TBC1D14: variants seen among roughly 807,000 people sequenced by gnomAD.
TBC1D14 encodes the protein TBC1 domain family member 14.
Under a neutral mutation model 79.0 loss-of-function variants are expected in TBC1D14, and 26 were observed. That is an observed-to-expected ratio of 0.33 (90% CI 0.24 to 0.46). The LOEUF (loss-of-function observed/expected upper bound fraction) is 0.46, where lower values mean the gene tolerates loss of function less well. Ranked by LOEUF, TBC1D14 falls within the 20% of genes least tolerant of loss-of-function variation. The pLI, the probability that TBC1D14 is intolerant of heterozygous loss-of-function variation, is 1.00. For missense variants in TBC1D14, 769 were observed against 887.6 expected (o/e 0.87, Z 1.70); for synonymous variants, 394 against 349.9 (o/e 1.13, Z -1.40).
intron 2 of TBC1D14, among the ~76,000 whole-genome samples, chr4:6,930,303 T>C (rs530542261): frequency 6.6e-6 from 1 of 152,188 alleles, no homozygotes; most frequent in Admixed American, 6.5e-5. Flanking sequence ...CATTTGAAAG[T>C]GTGGGAGTGA....
intron 3 of TBC1D14, among the ~76,000 whole-genome samples, chr4:6,980,866 C>T (rs2109096732): frequency 6.6e-6 from 1 of 151,944 alleles, no homozygotes; most frequent in Admixed American, 6.6e-5. Flanking sequence ...CAGGCGCCCG[C>T]CACCACGCCC....
intron 1 of TBC1D14, among the ~76,000 whole-genome samples, chr4:6,915,931 A>G (rs1284595839): frequency 1.3e-5 from 2 of 151,502 alleles, no homozygotes; most frequent in Non-Finnish European, 2.9e-5. Flanking sequence ...TCTGGCCAAC[A>G]TGGTGAAATC....
At chr4:7,016,565 G>C (rs1271195004) in intron 12 of TBC1D14, among the ~76,000 whole-genome samples, 2 of 152,210 alleles carry the variant, frequency 1.3e-5, no homozygotes, top group African/African-American at 4.8e-5. Context: ...AAAGTCAATA[G>C]TGTCTTTCAA....
chr4:7,005,527 T>A (rs1720099499), intron 8 of TBC1D14, among the ~76,000 whole-genome samples: 2 of 151,822 alleles, frequency 1.3e-5, no homozygotes, highest in South Asian at 4.1e-4. Context: ...AGAGTGAGAC[T>A]CTGTCTCAAG....
At position 6,923,414 on chromosome 4, in the gene TBC1D14, T is replaced by A. The variant is rs766415063; in HGVS notation, c.25T>A (p.Ser9Thr). 1 of 1,609,850 alleles carries A rather than the reference T, an allele frequency of 6.2e-7. No individual in the cohort carries two copies. Among genetic ancestry groups the A allele is most frequent in the South Asian group, 1.1e-5 (1 of 90,868 alleles). The stretch of plus-strand genomic sequence containing the variant: ...GATGACTGATGGAAAACTCTCCACC[T>A]CTACAAATGGCGTAGCCTTCATGGG... MTDGKLST[S>T]TNGVAFMGIL... Residue 9 changes from serine (S) to threonine (T), a missense_variant, in exon 2 of 14, where the codon TCT becomes ACT. Physicochemically the swap from Ser to Thr is moderately conservative, Grantham distance 58. Coordinates refer to ENST00000409757, the MANE Select transcript of TBC1D14 (RefSeq NM_020773.3).
intron 13 of TBC1D14, among the ~76,000 whole-genome samples, chr4:7,027,748 C>T (rs1212238705): frequency 2.8e-5 from 4 of 141,122 alleles, no homozygotes; most frequent in Non-Finnish European, 6.2e-5. Context: ...CACACACCCA[C>T]ATACACAATC....
At chr4:6,977,915 C>T (rs1174875425) in intron 3 of TBC1D14, among the ~76,000 whole-genome samples, 12 of 150,820 alleles carry the variant, frequency 8.0e-5, no homozygotes, top group African/African-American at 2.7e-4. Flanking sequence ...ATGTGAGGAG[C>T]GTCTCTGCCC....
At chr4:6,963,128 G>A (rs557387234) in intron 2 of TBC1D14, among the ~76,000 whole-genome samples, 2 of 152,394 alleles carry the variant, frequency 1.3e-5, no homozygotes, top group African/African-American at 2.4e-5. Context: ...CCCGGCAGCT[G>A]GTCCGGGAGG....
rs561219692 is a variant in TBC1D14, at chr4:7,020,126, C to T, written c.1758-4878C>T. On this transcript the variant is annotated intron_variant, in intron 12 of 13. Coordinates refer to ENST00000409757, the MANE Select transcript of TBC1D14 (RefSeq NM_020773.3). ...GGGCACAGAGGTTGGTATGTGAACT[C>T]CTCTGGCCTTAGGTTGGGGAGGACT... Among the ~76,000 whole-genome samples, 10 of 149,960 alleles carry T rather than the reference C, an allele frequency of 6.7e-5. No individual in the cohort carries two copies. The East Asian group carries it at 2.0e-3, about 30-fold the overall frequency.
chr4:6,971,598 CAG>C lies in TBC1D14; in HGVS notation c.843+4175_843+4176del, dbSNP rs552133509. On this transcript the variant is annotated intron_variant, in intron 3 of 13. Transcript: ENST00000409757. Reference sequence around the variant, plus strand: ...GGTAGTTTGAGAGCGATTTTCTTAACAGGGGAAACAAAAATGACCACGGGTAG... The same window carrying C: ...GGTAGTTTGAGAGCGATTTTCTTAACGGGAAACAAAAATGACCACGGGTAG... Among the ~76,000 whole-genome samples, 490 of 152,296 alleles carry C rather than the reference CAG, an allele frequency of 3.2e-3. 1 individual carries two copies. Among genetic ancestry groups the C allele is most frequent in the Non-Finnish European group, 4.3e-3 (294 of 68,026 alleles).
At chr4:6,956,023 T>G (rs927355028) in intron 2 of TBC1D14, among the ~76,000 whole-genome samples, 27 of 152,316 alleles carry the variant, frequency 1.8e-4, no homozygotes, top group African/African-American at 6.5e-4. Flanking sequence ...TCTGAGTGTT[T>G]TACTCAGTGC....
chr4:6,923,985 A>C lies in TBC1D14; in HGVS notation c.596A>C (p.Gln199Pro). 1 of 1,614,166 alleles carries C rather than the reference A, an allele frequency of 6.2e-7. No homozygotes were observed. Among genetic ancestry groups the C allele is most frequent in the South Asian group, 1.1e-5 (1 of 91,080 alleles). The change falls in exon 2 of 14, where the codon CAG becomes CCG. Residue 199 changes from glutamine (Q) to proline (P), a missense_variant. Physicochemically the swap from Gln to Pro is moderately conservative, Grantham distance 76. Coordinates refer to ENST00000409757, the MANE Select transcript of TBC1D14 (RefSeq NM_020773.3). The stretch of plus-strand genomic sequence containing the variant: ...ACCCTGGAGAATGACGATGACCCAC[A>C]GTTTACCAACGTCACCTTGAGCTCT... Reference protein sequence around the residue: ...IVTLENDDDPQFTNVTLSSIK... With the variant: ...IVTLENDDDPPFTNVTLSSIK...
chr4:6,995,996 C>G (rs546450806), intron 4 of TBC1D14, among the ~76,000 whole-genome samples: 131 of 151,706 alleles, frequency 8.6e-4, no homozygotes, highest in African/African-American at 3.0e-3. Flanking sequence ...GCCACCATGC[C>G]CGGCTAATTT....
At chr4:6,934,266 A>G (rs1456138654) in intron 2 of TBC1D14, among the ~76,000 whole-genome samples, 2 of 151,740 alleles carry the variant, frequency 1.3e-5, no homozygotes. Context: ...GAAGCAGCAA[A>G]AGCGAGAAGG....
intron 3 of TBC1D14, among the ~76,000 whole-genome samples, chr4:6,980,828 G>C (rs1468300017): frequency 3.3e-5 from 5 of 150,944 alleles, no homozygotes; most frequent in Admixed American, 6.6e-5. Context: ...CCATTCTTCT[G>C]CCTCAGCCTC....
At chr4:6,985,927 G>A (rs572601203) in intron 3 of TBC1D14, among the ~76,000 whole-genome samples, 34 of 152,312 alleles carry the variant, frequency 2.2e-4, no homozygotes, top group African/African-American at 8.2e-4. Flanking sequence ...CTCATTGTAA[G>A]TGTTCCACGA....
intron 3 of TBC1D14, among the ~76,000 whole-genome samples, chr4:6,975,205 C>T (rs1019071479): frequency 2.0e-5 from 3 of 149,884 alleles, no homozygotes; most frequent in South Asian, 2.1e-4. Flanking sequence ...TGAGCCGCCG[C>T]GCCCGGCCTG....
At chr4:6,992,971 A>G (rs965081322) in intron 3 of TBC1D14, among the ~76,000 whole-genome samples, 1 of 152,244 alleles carries the variant, frequency 6.6e-6, no homozygotes, top group Non-Finnish European at 1.5e-5. Flanking sequence ...TTCTTGGTGC[A>G]CGTCCTTCTC....
chr4:6,931,325 C>T (rs1711697930), intron 2 of TBC1D14, among the ~76,000 whole-genome samples: 1 of 152,238 alleles, frequency 6.6e-6, no homozygotes, highest in Non-Finnish European at 1.5e-5. Flanking sequence ...AATGTCTGCA[C>T]TTCTTTTCCA....
Sources: gnomAD v4.1 joint callset for allele counts (sites outside exome capture counted in the v4.1 genomes callset) on GRCh38, gnomAD v4.1.1 for gene constraint, MANE v1.5 for transcripts, NCBI Gene and HGNC (gene_info 2026-07-23, HGNC 2026-07-21) for gene names.